The following SRPX2 variants were observed in gnomAD, a reference collection of about 807,000 sequenced individuals.
The protein encoded by SRPX2 is sushi repeat-containing protein SRPX2.
In SRPX2, 26 loss-of-function variants were observed where a neutral mutation model predicts 45.3. The observed-to-expected ratio is 0.57, with a 90% CI of 0.42 to 0.80. The LOEUF is 0.80. Among genes scored for constraint, SRPX2 ranks in the 30% least tolerant of loss-of-function variants. The pLI is 0.00. For synonymous variants in SRPX2, 125 were observed against 143.7 expected, an observed-to-expected ratio of 0.87 and a Z score of 0.93; for missense variants, 355 against 399.8, an observed-to-expected ratio of 0.89 and a Z score of 0.95.
chrX:100,667,083 C>T (rs1198833197), intron 8 of SRPX2, 150 bp downstream of exon 8: 5 of 974,849 alleles, frequency 5.1e-6, no homozygotes, highest in East Asian at 3.3e-5. Flanking sequence ...AACATTCCCC[C>T]GTAGACTACT....
At position 100,666,860 on chromosome X, in the gene SRPX2, T is replaced by C. The variant is rs376426793; in HGVS notation, c.888T>C (p.Tyr296=). 3 of 1,210,482 alleles carry C rather than the reference T, an allele frequency of 2.5e-6. No homozygotes were observed. In the African/African-American group the frequency reaches 5.2e-5, roughly 21 times the overall value. Residue 296 remains tyrosine, a synonymous_variant, in exon 8 of 11, where the codon TAT becomes TAC. Coordinates refer to ENST00000373004, the MANE Select transcript of SRPX2 (RefSeq NM_014467.3). The part of the protein sequence containing the change: ...ATCEYHCDGG[Y]DRQGTPSRVC... ...GTGAATACCACTGTGATGGCGGTTATGATCGCCAGGGGACACCCTCCCGGG... is the reference window on the plus strand; with the variant it reads ...GTGAATACCACTGTGATGGCGGTTACGATCGCCAGGGGACACCCTCCCGGG...
In SRPX2 at chrX:100,662,373, T is replaced by TTG. The variant is rs772050250; in HGVS notation, c.355+15_355+16dup. 2 of 1,209,306 alleles carry TTG rather than the reference T, an allele frequency of 1.7e-6. No homozygotes were observed. Among genetic ancestry groups the TTG allele is most frequent in the Non-Finnish European group, 2.2e-6 (2 of 895,226 alleles). On this transcript the variant is annotated splice_region_variant and intron_variant, in intron 4 of 10. Transcript: ENST00000373004. ...TGGAACTGCCTACTGCAGGCGTAAGTTGTGTGTGTGCATATGCTGATGTAT... is the reference window on the plus strand; with the variant it reads ...TGGAACTGCCTACTGCAGGCGTAAGTTGTGTGTGTGTGCATATGCTGATGTAT...
Position 100,664,884 on chromosome X carries a change from G to C in SRPX2, c.466G>C (p.Glu156Gln). The change falls in exon 5 of 11, where the codon GAA becomes CAA. Residue 156 changes from glutamate (E) to glutamine (Q), a missense_variant. Transcript: ENST00000373004. ...CAGCTGTTCCAGTGGCTACCACCTGGAAGGTGATCGCAGCCGAATCTGCAT... is the reference window on the plus strand; with the variant it reads ...CAGCTGTTCCAGTGGCTACCACCTGCAAGGTGATCGCAGCCGAATCTGCAT... The part of the protein sequence containing the change: ...DYSCSSGYHL[E>Q]GDRSRICMED... 8.3e-7 allele frequency: 1 copy of C among 1,211,045 alleles called. No individual in the cohort carries two copies. The highest frequency in any genetic ancestry group is 1.8e-5 in the South Asian group (1 of 56,606).
chrX:100,668,147 A>G (rs1357317815), intron 9 of SRPX2, among the ~76,000 whole-genome samples: 1 of 110,132 alleles, frequency 9.1e-6, no homozygotes, highest in African/African-American at 3.3e-5. Context: ...TTATAAAAGA[A>G]CAGGCTAGGT....
rs8780 is a variant in SRPX2, at chrX:100,674,535, G to C, written c.*3548G>C. On this transcript the variant is annotated 3_prime_UTR_variant, in exon 11 of 11. Transcript: ENST00000373004. ...TTATTAAAGCACACATACATGTCAGGGGGGTGGGAAACAAAAGAGCAAGTT... is the reference window on the plus strand; with the variant it reads ...TTATTAAAGCACACATACATGTCAGCGGGGTGGGAAACAAAAGAGCAAGTT... The C allele has an allele frequency of 0.28, 30,873 of 111,379 alleles. 3,527 individuals are homozygous for C. The highest frequency in any genetic ancestry group is 0.53 in the East Asian group (1,829 of 3,471). 9.2% of individuals were successfully genotyped at this position (111,379 alleles called of 1,213,427 possible).
In SRPX2 at chrX:100,665,356, G is replaced by T; in HGVS notation, c.646G>T (p.Gly216Cys). 1 of 1,210,093 alleles carries T rather than the reference G, an allele frequency of 8.3e-7. No homozygotes were observed. The highest frequency in any genetic ancestry group is 1.8e-5 in the South Asian group (1 of 56,476). Residue 216 changes from glycine (G) to cysteine (C), a missense_variant, in exon 6 of 11, where the codon GGT (glycine) becomes TGT (cysteine). Transcript: ENST00000373004. Reference protein sequence around the residue: ...DPPLVKDSADGTITRVTLRGP... With the variant: ...DPPLVKDSADCTITRVTLRGP... ...ACCGTTGGTGAAAGATTCTGCTGATGGTACCATCACCAGGTGAGCCTGAAT... is the reference window on the plus strand; with the variant it reads ...ACCGTTGGTGAAAGATTCTGCTGATTGTACCATCACCAGGTGAGCCTGAAT...
Position 100,667,293 on chromosome X carries a change from C to G in SRPX2, c.981C>G (p.Asn327Lys), listed in dbSNP as rs370033099. 1.7e-5 allele frequency: 21 copies of G among 1,209,961 alleles called. No individual in the cohort carries two copies. In the Admixed American group the frequency reaches 2.6e-4, roughly 15 times the overall value. The change falls in exon 9 of 11, where the codon AAC (asparagine) becomes AAG (lysine). Residue 327 changes from asparagine to lysine, a missense_variant. Asn to Lys is a moderately conservative substitution (Grantham distance 94). Coordinates refer to ENST00000373004, the MANE Select transcript of SRPX2 (RefSeq NM_014467.3). ...PICAPMKINV[N>K]VNSAAGLLDQ... ...CCCTAGCTATGAAGATTAACGTCAACGTCAACTCAGCTGCTGGTCTCTTGG... is the reference window on the plus strand; with the variant it reads ...CCCTAGCTATGAAGATTAACGTCAAGGTCAACTCAGCTGCTGGTCTCTTGG...
At chrX:100,650,254 T>C (rs982070222) in intron 2 of SRPX2, 1 of 117,474 alleles carries the variant, frequency 8.5e-6, no homozygotes, top group African/African-American at 3.2e-5. Flanking sequence ...CCCCCAGCAA[T>C]GGTAATCCGG....
intron 2 of SRPX2, among the ~76,000 whole-genome samples, chrX:100,647,137 G>A (rs893576182): frequency 1.8e-5 from 2 of 112,069 alleles, no homozygotes; most frequent in African/African-American, 6.5e-5. Context: ...GGCATACAGA[G>A]GTTTTATATG....
In SRPX2 at chrX:100,674,568, G is replaced by A. The variant is rs987478213; in HGVS notation, c.*3581G>A. The A allele has an allele frequency of 8.9e-6, 1 of 112,008 alleles. No individual in the cohort carries two copies. The highest frequency in any genetic ancestry group is 1.9e-5 in the Non-Finnish European group (1 of 53,143). 9.2% of individuals were successfully genotyped at this position (112,008 alleles called of 1,213,427 possible). On this transcript the variant is annotated 3_prime_UTR_variant, in exon 11 of 11. Coordinates refer to ENST00000373004, the MANE Select transcript of SRPX2 (RefSeq NM_014467.3). ...GAAACAAAAGAGCAAGTTACAGCCC[G>A]GGATCCCAAGTTATGCCTTCCATTA...
intron 3 of SRPX2, among the ~76,000 whole-genome samples, chrX:100,655,841 G>A (rs1461133280): frequency 1.0e-5 from 1 of 99,424 alleles, no homozygotes; most frequent in Non-Finnish European, 2.0e-5. Context: ...GGTTTTTTTA[G>A]GTGGGGTGGG....
chrX:100,666,704 C>T (rs2083205535), intron 7 of SRPX2, 50 bp from the exon 8 acceptor site: 1 of 1,206,952 alleles, frequency 8.3e-7, no homozygotes, highest in Non-Finnish European at 1.1e-6. Context: ...CTTAGCCTTT[C>T]CTTCTTATAA....
At chrX:100,658,754 A>G (rs2083178277) in intron 3 of SRPX2, among the ~76,000 whole-genome samples, 1 of 112,051 alleles carries the variant, frequency 8.9e-6, no homozygotes, top group African/African-American at 3.2e-5. Flanking sequence ...CGGGATATCT[A>G]TTTTTGTGTC....
At chrX:100,666,013 G>A in intron 7 of SRPX2, among the ~76,000 whole-genome samples, 1 of 111,904 alleles carries the variant, frequency 8.9e-6, no homozygotes, top group Non-Finnish European at 1.9e-5. Context: ...GGTGTTGGCT[G>A]CCTGATTCTT....
intron 3 of SRPX2, 23 bp downstream of exon 3, chrX:100,650,888 C>T: frequency 8.5e-7 from 1 of 1,171,949 alleles, no homozygotes; most frequent in Non-Finnish European, 1.2e-6. Context: ...GCTTCTCAAG[C>T]CCAGAAAATC....
rs990507572 is a variant in SRPX2, at chrX:100,667,013, C to T, written c.961+80C>T. 3.6e-6 allele frequency: 4 copies of T among 1,125,528 alleles called. No homozygotes were observed. In the Admixed American group the frequency reaches 1.0e-4, roughly 29 times the overall value. 92.8% of individuals were successfully genotyped at this position (1,125,528 alleles called of 1,213,427 possible). On this transcript the variant is annotated intron_variant, in intron 8 of 10. Coordinates refer to ENST00000373004, the MANE Select transcript of SRPX2 (RefSeq NM_014467.3). ...AGGATCTTCCTCATGGACAGGGGTC[C>T]AATAACAATGTATATGATGTGGGAA... is the stretch of plus-strand genomic sequence containing the variant.
chrX:100,670,134 A>G (rs2083218927), intron 10 of SRPX2, among the ~76,000 whole-genome samples: 1 of 111,772 alleles, frequency 8.9e-6, no homozygotes, highest in South Asian at 3.8e-4. Context: ...GGAAGAGAAC[A>G]TTAGAGGTGA....
chrX:100,651,010 A>T (rs187786159), intron 3 of SRPX2, 145 bp downstream of exon 3: 1 of 481,954 alleles, frequency 2.1e-6, no homozygotes, highest in Non-Finnish European at 3.6e-6. Flanking sequence ...CTCATCATGA[A>T]CTTGGTTACT....
chrX:100,669,314 G>A lies in SRPX2; in HGVS notation c.1162G>A (p.Glu388Lys). ...TGAACTGGTGGGACAGCCACCTCAG[G>A]AGGTGGGGCGCATCCGGGAGCAACA... ...IIELVGQPPQ[E>K]VGRIREQQLS... is the part of the protein sequence containing the mutation. The change falls in exon 10 of 11, where the codon GAG becomes AAG. Residue 388 changes from glutamate to lysine, a missense_variant. Glu to Lys is a moderately conservative substitution (Grantham distance 56, BLOSUM62 1). Coordinates refer to ENST00000373004, the MANE Select transcript of SRPX2 (RefSeq NM_014467.3). 8.3e-7 allele frequency: 1 copy of A among 1,204,036 alleles called. No individual in the cohort carries two copies.
Sources: allele counts gnomAD v4.1 joint callset (sites outside exome capture counted in the v4.1 genomes callset), GRCh38; gene constraint gnomAD v4.1.1; transcripts MANE v1.5; gene names NCBI Gene and HGNC (gene_info 2026-07-23, HGNC 2026-07-21).